FER1L6: variants seen among roughly 807,000 people sequenced by gnomAD.
FER1L6 encodes the protein fer-1-like protein 6.
In FER1L6, 177 loss-of-function variants were observed where a neutral mutation model predicts 219.2. The ratio of observed to expected loss-of-function variants is 0.81; its 90% CI spans 0.71 to 0.91. The LOEUF (loss-of-function observed/expected upper bound fraction) is 0.91, where lower values mean the gene tolerates loss of function less well. Among genes scored for constraint, FER1L6 ranks in the 40% least tolerant of loss-of-function variants. FER1L6 has a pLI of 0.00. For missense variants in FER1L6, 2,153 were observed against 2,259.9 expected (o/e 0.95, Z 0.96); for synonymous variants, 768 against 824.3 (o/e 0.93, Z 1.17).
intron 34 of FER1L6, 51 bp downstream of exon 34, chr8:124,091,634 T>C: frequency 6.3e-7 from 1 of 1,574,988 alleles, no homozygotes; most frequent in East Asian, 2.2e-5. Flanking sequence ...TTGAAAATCC[T>C]GATTCTAGTG....
chr8:124,091,744 A>T (rs1563795020), intron 34 of FER1L6, among the ~76,000 whole-genome samples, 161 bp downstream of exon 34: 1 of 152,126 alleles, frequency 6.6e-6, no homozygotes, highest in Non-Finnish European at 1.5e-5. Flanking sequence ...AGGCGGGCGG[A>T]TCACTTGAGG....
intron 5 of FER1L6, 150 bp from the exon 6 acceptor site, chr8:123,969,885 A>C (rs7008210): frequency 0.25 from 134,121 of 526,482 alleles, 12,830 homozygotes; most frequent in Non-Finnish European, 0.29. Context: ...AAAAAAAAAA[A>C]AGAGAATTGA....
At chr8:124,116,331 T>C (rs1264510895) in intron 39 of FER1L6, among the ~76,000 whole-genome samples, 1 of 150,084 alleles carries the variant, frequency 6.7e-6, no homozygotes. Context: ...ATGCAAGTTA[T>C]AAAGTGCGAT....
chr8:123,998,842 C>A (rs568150678), intron 12 of FER1L6, among the ~76,000 whole-genome samples: 2 of 152,294 alleles, frequency 1.3e-5, no homozygotes, highest in South Asian at 4.1e-4. Context: ...TGACCACTGC[C>A]GCCCTAGCCC....
At chr8:123,952,061 C>T (rs1032435154) in intron 1 of FER1L6, among the ~76,000 whole-genome samples, 9 of 151,234 alleles carry the variant, frequency 6.0e-5, no homozygotes, top group African/African-American at 1.5e-4. Context: ...CTTTGCCGAG[C>T]GGTGGACATG....
At chr8:124,057,000 C>T (rs1393468487) in intron 22 of FER1L6, among the ~76,000 whole-genome samples, 1 of 152,084 alleles carries the variant, frequency 6.6e-6, no homozygotes, top group Non-Finnish European at 1.5e-5. Flanking sequence ...GCAGGGATCG[C>T]ACCTCTGCAC....
At chr8:124,066,702 C>G in intron 27 of FER1L6, 152 bp downstream of exon 27, 1 of 892,368 alleles carries the variant, frequency 1.1e-6, no homozygotes, top group Non-Finnish European at 1.6e-6. Flanking sequence ...AGGTAAAAAG[C>G]CTGGAAGAAC....
Position 123,853,619 on chromosome 8 carries a change from A to T in FER1L6, c.-8+1434A>T, listed in dbSNP as rs1816565428. Among the ~76,000 whole-genome samples the T allele has an allele frequency of 6.6e-6, 1 of 152,166 alleles. No homozygotes were observed. The highest frequency in any genetic ancestry group is 1.5e-5 in the Non-Finnish European group (1 of 68,024). On this transcript the variant is annotated intron_variant, in intron 1 of 40. Transcript: ENST00000522917. This position sits in a 1 kb window ranked among gnomAD's most constrained non-coding sequence, Gnocchi z 6.6. ...TTACAAGGGTGGATGAGTAGAGAAA[A>T]AGGGGTAGGTACGCCTCACCACGGG... is the stretch of plus-strand genomic sequence containing the variant.
intron 13 of FER1L6, among the ~76,000 whole-genome samples, chr8:124,010,318 C>T (rs1438587600): frequency 1.3e-5 from 2 of 152,078 alleles, no homozygotes; most frequent in African/African-American, 4.8e-5. Context: ...TGAAAAAGGC[C>T]TGCCTAAAAA....
In FER1L6 at chr8:123,961,804, C is replaced by T. The variant is rs530269715; in HGVS notation, c.77-1474C>T. Among the ~76,000 whole-genome samples the T allele has an allele frequency of 8.6e-5, 13 of 151,404 alleles. No individual in the cohort carries two copies. The East Asian group carries it at 2.5e-3, about 29-fold the overall frequency. On this transcript the variant is annotated intron_variant, in intron 2 of 40. Coordinates refer to ENST00000522917, the MANE Select transcript of FER1L6 (RefSeq NM_001039112.2). ...TATGTAAAAAGATCTTTTTAAGAAA[C>T]AAAAGCACTCAAGTGTGCAGACTCT...
At chr8:123,897,808 T>C (rs1812771160) in intron 1 of FER1L6, among the ~76,000 whole-genome samples, 1 of 152,214 alleles carries the variant, frequency 6.6e-6, no homozygotes, top group African/African-American at 2.4e-5. Flanking sequence ...TTGTGTTCTA[T>C]TGACAGTAAA....
intron 37 of FER1L6, among the ~76,000 whole-genome samples, chr8:124,100,686 C>T (rs192053955): frequency 6.6e-6 from 1 of 152,302 alleles, no homozygotes; most frequent in Admixed American, 6.5e-5. Flanking sequence ...AGGTCTACAG[C>T]AGCCCAATTT....
intron 1 of FER1L6, among the ~76,000 whole-genome samples, chr8:123,857,797 C>T (rs1435090930): frequency 1.3e-5 from 2 of 152,212 alleles, no homozygotes; most frequent in East Asian, 1.9e-4. Flanking sequence ...CCTCTCTCCT[C>T]TTCCTGAGGT....
At position 124,116,937 on chromosome 8, in the gene FER1L6, C is replaced by T. The variant is rs576138187; in HGVS notation, c.5290-1907C>T. Among the ~76,000 whole-genome samples the T allele has an allele frequency of 5.3e-5, 8 of 152,276 alleles. No homozygotes were observed. In the South Asian group the frequency reaches 1.7e-3, roughly 32 times the overall value. ...TGCCAGAAGTTAGAGCCAGATAGCC[C>T]TAGAAAACATCTGGCCATTTGACAG... On this transcript the variant is annotated intron_variant, in intron 39 of 40. Transcript: ENST00000522917.
In FER1L6 at chr8:124,069,495, T is replaced by C. The variant is rs753716431; in HGVS notation, c.3834+20T>C. On this transcript the variant is annotated intron_variant, in intron 29 of 40. Coordinates refer to ENST00000522917, the MANE Select transcript of FER1L6 (RefSeq NM_001039112.2). ...TTGCAGGTATGTGGGGACACAGGCA[T>C]CTCTGCCATGGATGGGGAGGGATGC... 1.3e-6 allele frequency: 2 copies of C among 1,563,794 alleles called. No individual in the cohort carries two copies. The highest frequency in any genetic ancestry group is 3.6e-5 in the Admixed American group (2 of 56,284).
At chr8:124,007,945 A>G (rs1249625108) in intron 13 of FER1L6, among the ~76,000 whole-genome samples, 1 of 152,140 alleles carries the variant, frequency 6.6e-6, no homozygotes. Flanking sequence ...CTTTTTTAAA[A>G]TTGCCTTTTT....
At chr8:123,920,002 G>A (rs896027040) in intron 1 of FER1L6, among the ~76,000 whole-genome samples, 1 of 152,190 alleles carries the variant, frequency 6.6e-6, no homozygotes, top group Non-Finnish European at 1.5e-5. Flanking sequence ...CATGTACACT[G>A]TCCCATCATA....
intron 1 of FER1L6, among the ~76,000 whole-genome samples, chr8:123,874,340 G>A (rs1247502284): frequency 1.3e-5 from 2 of 152,150 alleles, no homozygotes; most frequent in East Asian, 1.9e-4. Context: ...GCTGCGTCAC[G>A]TTACCTATCC....
intron 39 of FER1L6, among the ~76,000 whole-genome samples, chr8:124,103,576 A>G (rs991370735): frequency 2.0e-5 from 3 of 152,156 alleles, no homozygotes; most frequent in African/African-American, 4.8e-5. Context: ...GATTATGCAT[A>G]AAGTCCTGAG....
Sources: gnomAD v4.1 joint callset for allele counts (sites outside exome capture counted in the v4.1 genomes callset) on GRCh38, gnomAD v4.1.1 for gene constraint, Gnocchi (gnomAD v3.1) non-coding constraint, MANE v1.5 for transcripts, NCBI Gene and HGNC (gene_info 2026-07-23, HGNC 2026-07-21) for gene names.